The following KLRD1 variants were observed in gnomAD, a reference collection of about 807,000 sequenced individuals.
The protein encoded by KLRD1 is killer cell lectin like receptor D1, also known as natural killer cells antigen CD94.
In KLRD1, 21 loss-of-function variants were observed where a neutral mutation model predicts 22.6. The observed-to-expected ratio is 0.93, with a 90% CI of 0.66 to 1.34. The LOEUF is 1.34. KLRD1 is among the 40% of genes most tolerant of loss of function. The pLI is 0.00. For synonymous variants in KLRD1, 59 were observed against 71.1 expected (o/e 0.83, Z 0.85); for missense variants, 183 against 208.6 (o/e 0.88, Z 0.76).
At chr12:10,250,752 T>C (rs2137619185) in intron 1 of KLRD1, among the ~76,000 whole-genome samples, 1 of 152,272 alleles carries the variant, frequency 6.6e-6, no homozygotes, top group Non-Finnish European at 1.5e-5. Context: ...ACTTCCATTA[T>C]ATGTTGAGGC....
intron 1 of KLRD1, among the ~76,000 whole-genome samples, chr12:10,267,453 C>G (rs1949510784): frequency 6.6e-6 from 1 of 152,030 alleles, no homozygotes; most frequent in Admixed American, 6.6e-5. Context: ...AATGTGTCAA[C>G]ATACTATTCA....
Position 10,309,381 on chromosome 12 carries a change from T to A in KLRD1, c.8-7T>A. 7.5e-7 allele frequency: 1 copy of A among 1,338,834 alleles called. No individual in the cohort carries two copies. Among genetic ancestry groups the A allele is most frequent in the Non-Finnish European group, 1.1e-6 (1 of 931,276 alleles). 82.9% of individuals were successfully genotyped at this position (1,338,834 alleles called of 1,614,324 possible). On this transcript the variant is annotated splice_polypyrimidine_tract_variant and splice_region_variant and intron_variant, in intron 1 of 5. Coordinates refer to ENST00000336164, the MANE Select transcript of KLRD1 (RefSeq NM_002262.5). Reference sequence around the variant, plus strand: ...TAAGTCATTACTCTGTCTGTCTTTCTCTACAGTGTTTAAGACCACTCTGTG... The same window carrying A: ...TAAGTCATTACTCTGTCTGTCTTTCACTACAGTGTTTAAGACCACTCTGTG...
intron 1 of KLRD1, among the ~76,000 whole-genome samples, chr12:10,264,297 C>T (rs4267162): frequency 0.8 from 122,105 of 152,128 alleles, 53,581 homozygotes; most frequent in Non-Finnish European, 0.98. Flanking sequence ...CTTTTGGTTA[C>T]TAGGACAAAG....
intron 1 of KLRD1, among the ~76,000 whole-genome samples, chr12:10,273,353 G>T (rs541926280): frequency 2.0e-5 from 3 of 152,262 alleles, no homozygotes; most frequent in Admixed American, 6.5e-5. Context: ...AATAGAATAA[G>T]ATTATATGTC....
At chr12:10,249,692 A>G (rs536530213) in intron 1 of KLRD1, among the ~76,000 whole-genome samples, 2 of 152,354 alleles carry the variant, frequency 1.3e-5, no homozygotes, top group East Asian at 3.9e-4. Context: ...TTGAAAAAAG[A>G]GTAAGAAATT....
intron 1 of KLRD1, among the ~76,000 whole-genome samples, chr12:10,268,490 A>G (rs1949520394): frequency 6.6e-6 from 1 of 152,234 alleles, no homozygotes; most frequent in African/African-American, 2.4e-5. Flanking sequence ...TTGCTGGTAT[A>G]TAAGAAAGCT....
chr12:10,281,456 C>T (rs1165604490), intron 1 of KLRD1, among the ~76,000 whole-genome samples: 2 of 152,006 alleles, frequency 1.3e-5, no homozygotes, highest in Non-Finnish European at 1.5e-5. Flanking sequence ...GGATATAGCG[C>T]TCTAACAGAA....
At chr12:10,280,577 T>C (rs1190142382) in intron 1 of KLRD1, among the ~76,000 whole-genome samples, 3 of 152,160 alleles carry the variant, frequency 2.0e-5, no homozygotes, top group African/African-American at 4.8e-5. Flanking sequence ...TCAGGACAGA[T>C]TCTAGCCATT....
rs141528175 is a variant in KLRD1 at position 10,247,317 on chromosome 12, G to A, written c.-101+21084G>A. Among the ~76,000 whole-genome samples, 420 of 152,154 alleles carry A rather than the reference G, an allele frequency of 2.8e-3. 4 individuals are homozygous for A. Among genetic ancestry groups the A allele is most frequent in the African/African-American group, 9.8e-3 (408 of 41,480 alleles). On this transcript the variant is annotated intron_variant, in intron 1 of 5. Coordinates refer to the KLRD1 transcript ENST00000544747. ...ATATTTCTAATATCATCTAAGTCAT[G>A]AGAACAATTTATTGGAATGTGATTT...
intron 1 of KLRD1, among the ~76,000 whole-genome samples, chr12:10,242,494 A>C (rs1326207145): frequency 6.6e-6 from 1 of 152,164 alleles, no homozygotes; most frequent in Non-Finnish European, 1.5e-5. Flanking sequence ...AATAAATGAA[A>C]GATATGGGAG....
intron 1 of KLRD1, among the ~76,000 whole-genome samples, chr12:10,261,842 C>T (rs1159949256): frequency 6.6e-6 from 1 of 152,012 alleles, no homozygotes; most frequent in Non-Finnish European, 1.5e-5. Flanking sequence ...AATGGGAAAA[C>T]ACGTGAGTTA....
chr12:10,277,307 C>A (rs1949601395), intron 1 of KLRD1, among the ~76,000 whole-genome samples: 1 of 151,596 alleles, frequency 6.6e-6, no homozygotes, highest in Non-Finnish European at 1.5e-5. Flanking sequence ...CTAAGAAAAG[C>A]AAGGAGGAAG....
At chr12:10,313,363 G>A (rs1303807091) in intron 4 of KLRD1, 47 bp from the exon 5 acceptor site, 1 of 1,143,230 alleles carries the variant, frequency 8.7e-7, no homozygotes, top group Admixed American at 1.9e-5. Flanking sequence ...GTTATTCCCA[G>A]AATAGATTAA....
intron 1 of KLRD1, among the ~76,000 whole-genome samples, chr12:10,242,344 C>T (rs1400053256): frequency 3.3e-5 from 5 of 152,036 alleles, no homozygotes; most frequent in South Asian, 2.1e-4. Flanking sequence ...TAACAAAACA[C>T]ATTACACAAA....
rs1950314371 is a variant in KLRD1 at position 10,321,777 on chromosome 12, C to T, written c.*6984C>T. Reference sequence around the variant, plus strand: ...ACAGCTAGCAAGGAACTGCAGCCATCTTGTAGACAGCCTTGTGCACGAGCC... The same window carrying T: ...ACAGCTAGCAAGGAACTGCAGCCATTTTGTAGACAGCCTTGTGCACGAGCC... On this transcript the variant is annotated 3_prime_UTR_variant, in exon 6 of 6. Coordinates refer to ENST00000336164, the MANE Select transcript of KLRD1 (RefSeq NM_002262.5). The T allele has an allele frequency of 6.6e-6, 1 of 152,222 alleles. No homozygotes were observed. Among genetic ancestry groups the T allele is most frequent in the Admixed American group, 6.5e-5 (1 of 15,274 alleles). 9.4% of individuals were successfully genotyped at this position (152,222 alleles called of 1,614,324 possible).
At position 10,327,252 on chromosome 12, in the gene KLRD1, A is replaced by G. The variant is rs1395583519; in HGVS notation, c.*12459A>G. 20 of 152,130 alleles carry G rather than the reference A, an allele frequency of 1.3e-4. No homozygotes were observed. The highest frequency in any genetic ancestry group is 1.3e-3 in the Admixed American group (20 of 15,264). The allele number at this position is 152,130 out of a possible 1,614,324, so 9.4% of individuals were successfully genotyped here. On this transcript the variant is annotated 3_prime_UTR_variant, in exon 6 of 6. Transcript: ENST00000336164. ...TCTCCAATCTGTTTAATTGGTCTAT[A>G]TGTTCATCTTTATGCCAGTGCCATA...
In KLRD1 at chr12:10,247,340, TTTAG is replaced by T. The variant is rs148209380; in HGVS notation, c.-101+21114_-101+21117del. On this transcript the variant is annotated intron_variant, in intron 1 of 5. Transcript: ENST00000544747. Reference sequence around the variant, plus strand: ...ATGAGAACAATTTATTGGAATGTGATTTAGTTAGTTGGTTAACATTTATAATTTA... The same window carrying T: ...ATGAGAACAATTTATTGGAATGTGATTTAGTTGGTTAACATTTATAATTTA... 3.9e-3 allele frequency among the ~76,000 whole-genome samples: 593 copies of T among 152,276 alleles called. 18 individuals are homozygous for T. In the East Asian group the frequency reaches 0.068, roughly 17 times the overall value.
upstream of KLRD1, among the ~76,000 whole-genome samples, chr12:10,305,897 T>C (rs1283391187): frequency 6.6e-6 from 1 of 152,046 alleles, no homozygotes; most frequent in Non-Finnish European, 1.5e-5. Flanking sequence ...GCACGGTGGC[T>C]CACGCCTGTA....
rs1950248036 is a variant in KLRD1, at chr12:10,317,038, GTTT to G, written c.*2247_*2249del. The G allele has an allele frequency of 6.6e-6, 1 of 151,934 alleles. No individual in the cohort carries two copies. The highest frequency in any genetic ancestry group is 6.6e-5 in the Admixed American group (1 of 15,248). The allele number at this position is 151,934 out of a possible 1,614,324, so 9.4% of individuals were successfully genotyped here. ...TATTAGTAAGAACATGTGGTGTTTG[GTTT>G]TCTGTTCCTGTGTTAGTTTGCTGAG... On this transcript the variant is annotated 3_prime_UTR_variant, in exon 6 of 6. Transcript: ENST00000336164.
Sources: gnomAD v4.1 joint callset for allele counts (sites outside exome capture counted in the v4.1 genomes callset) on GRCh38, gnomAD v4.1.1 for gene constraint, MANE v1.5 for transcripts, NCBI Gene and HGNC (gene_info 2026-07-23, HGNC 2026-07-21) for gene names.